The following BTRC variants were observed in gnomAD, a reference collection of about 807,000 sequenced individuals.
BTRC encodes the protein F-box/WD repeat-containing protein 1A.
BTRC carries 42 observed loss-of-function variants against 85.5 expected under a neutral mutation model. That is an observed-to-expected ratio of 0.49 (90% CI 0.38 to 0.64). BTRC has a LOEUF of 0.64. BTRC is among the 30% of genes least tolerant of loss of function. BTRC has a pLI of 0.00. For synonymous variants in BTRC, 255 were observed against 263.3 expected, an observed-to-expected ratio of 0.97 and a Z score of 0.30; for missense variants, 594 against 743.5, an observed-to-expected ratio of 0.80 and a Z score of 2.34.
intron 1 of BTRC, among the ~76,000 whole-genome samples, chr10:101,425,203 A>C (rs1053695451): frequency 2.0e-5 from 3 of 152,066 alleles, no homozygotes; most frequent in Admixed American, 6.6e-5. Flanking sequence ...TCTTCCGTTG[A>C]TGGGTACCTG....
chr10:101,528,194 G>T (rs1445599208), intron 6 of BTRC, among the ~76,000 whole-genome samples: 1 of 152,206 alleles, frequency 6.6e-6, no homozygotes, highest in Non-Finnish European at 1.5e-5. Context: ...CATTTGGACT[G>T]TAAATGACAG....
At chr10:101,399,530 C>T (rs1374209149) in intron 1 of BTRC, among the ~76,000 whole-genome samples, 1 of 152,084 alleles carries the variant, frequency 6.6e-6, no homozygotes, top group East Asian at 1.9e-4. Flanking sequence ...ACTGTCAGTA[C>T]CTATATTCCG....
At chr10:101,437,365 A>G (rs938278148) in intron 2 of BTRC, among the ~76,000 whole-genome samples, 6 of 152,210 alleles carry the variant, frequency 3.9e-5, no homozygotes, top group African/African-American at 1.4e-4. Context: ...CTAGATTAAC[A>G]TGTTAGTGTC....
chr10:101,466,250 GATAA>G (rs1945369286), intron 3 of BTRC, among the ~76,000 whole-genome samples: 1 of 152,136 alleles, frequency 6.6e-6, no homozygotes, highest in South Asian at 2.1e-4. Flanking sequence ...CGTGGGCAGT[GATAA>G]ATAAAGCATT....
chr10:101,545,625 A>C (rs1437931183), intron 13 of BTRC, among the ~76,000 whole-genome samples: 2 of 152,200 alleles, frequency 1.3e-5, no homozygotes, highest in Non-Finnish European at 2.9e-5. Context: ...GGAGAAGATG[A>C]CCATCTACAA....
chr10:101,535,496 A>G (rs1026570595), intron 11 of BTRC, 24 bp downstream of exon 11: 2 of 1,481,338 alleles, frequency 1.4e-6, no homozygotes, highest in Admixed American at 3.4e-5. Context: ...GCCTTGTATC[A>G]TAAGGGATCA....
rs1944536871 is a variant in BTRC at position 101,436,624 on chromosome 10, A to AG, written c.156+6172_156+6173insG. On this transcript the variant is annotated intron_variant, in intron 2 of 14. Transcript: ENST00000370187. The stretch of plus-strand genomic sequence containing the variant: ...AGTGAGACCCTGTTTCAATTAAAAA[A>AG]AATAGATAGATAGATAGATAGATAG... Among the ~76,000 whole-genome samples the AG allele has an allele frequency of 5.2e-5, 7 of 135,614 alleles. No individual in the cohort carries two copies. In the South Asian group the frequency reaches 7.4e-4, roughly 14 times the overall value. 89.0% of individuals were successfully genotyped at this position (135,614 alleles called of 152,430 possible). A position where few individuals can be genotyped will look rare whatever the true frequency, so the allele number is the denominator to read the frequency against.
At position 101,449,038 on chromosome 10, in the gene BTRC, A is replaced by G. The variant is rs181316200; in HGVS notation, c.157-12943A>G. Among the ~76,000 whole-genome samples, 319 of 152,154 alleles carry G rather than the reference A, an allele frequency of 2.1e-3. 1 individual carries two copies. The highest frequency in any genetic ancestry group is 7.4e-3 in the African/African-American group (308 of 41,566). ...AATAATTTCTTAATTAGGAAAAAAA[A>G]TAATGATTAAACAAGACCAGTCCAT... On this transcript the variant is annotated intron_variant, in intron 2 of 14. Transcript: ENST00000370187.
chr10:101,542,840 G>A (rs1209675952), intron 13 of BTRC, among the ~76,000 whole-genome samples: 3 of 152,140 alleles, frequency 2.0e-5, no homozygotes, highest in Non-Finnish European at 2.9e-5. Context: ...TCACAGGCAT[G>A]AGCCATGGCA....
At chr10:101,490,455 G>T (rs544080714) in intron 4 of BTRC, among the ~76,000 whole-genome samples, 60 of 152,260 alleles carry the variant, frequency 3.9e-4, no homozygotes, top group African/African-American at 1.4e-3. Flanking sequence ...GGAACGAGAA[G>T]CTTAGATAAG....
intron 4 of BTRC, among the ~76,000 whole-genome samples, chr10:101,505,355 T>C (rs943845499): frequency 2.1e-4 from 31 of 148,606 alleles, no homozygotes; most frequent in African/African-American, 4.9e-4. Flanking sequence ...CGCGGTGGCT[T>C]ACGCCTGTAA....
At chr10:101,416,499 A>G (rs1350102595) in intron 1 of BTRC, among the ~76,000 whole-genome samples, 3 of 152,026 alleles carry the variant, frequency 2.0e-5, no homozygotes, top group Non-Finnish European at 2.9e-5. Flanking sequence ...GGTGCCCTTC[A>G]TTGTTCTGGT....
intron 2 of BTRC, among the ~76,000 whole-genome samples, chr10:101,445,048 C>T (rs756312070): frequency 2.4e-4 from 37 of 151,970 alleles, no homozygotes; most frequent in Non-Finnish European, 5.3e-4. Context: ...GGTAGAAACT[C>T]GATATGTTAG....
chr10:101,540,443 T>G (rs960243251), intron 13 of BTRC, among the ~76,000 whole-genome samples: 6 of 152,198 alleles, frequency 3.9e-5, no homozygotes, highest in Admixed American at 3.9e-4. Context: ...GTGTGAGTCT[T>G]CTTTGGGAAT....
intron 1 of BTRC, among the ~76,000 whole-genome samples, chr10:101,370,942 A>G (rs934832084): frequency 6.6e-6 from 1 of 152,204 alleles, no homozygotes. Flanking sequence ...ATATACATAC[A>G]CACACATATA....
intron 1 of BTRC, among the ~76,000 whole-genome samples, chr10:101,429,076 A>G (rs1270560020): frequency 6.6e-6 from 1 of 152,254 alleles, no homozygotes; most frequent in African/African-American, 2.4e-5. Context: ...GTCTATGACA[A>G]TATAAAATAT....
chr10:101,520,495 A>G (rs1176848890), intron 4 of BTRC, among the ~76,000 whole-genome samples: 1 of 152,222 alleles, frequency 6.6e-6, no homozygotes, highest in Admixed American at 6.5e-5. Context: ...TATTGAATGA[A>G]TCAATTAATA....
At chr10:101,503,526 T>G (rs936450271) in intron 4 of BTRC, among the ~76,000 whole-genome samples, 4 of 152,174 alleles carry the variant, frequency 2.6e-5, no homozygotes, top group African/African-American at 9.7e-5. Flanking sequence ...AAGAAAACAA[T>G]TACCAAAGTA....
At chr10:101,414,891 AAG>A (rs1943886993) in intron 1 of BTRC, among the ~76,000 whole-genome samples, 2 of 151,974 alleles carry the variant, frequency 1.3e-5, no homozygotes, top group African/African-American at 4.8e-5. Flanking sequence ...GTTATTACAA[AAG>A]AGTCAAAAAG....
Sources: allele counts gnomAD v4.1 joint callset (sites outside exome capture counted in the v4.1 genomes callset), GRCh38; gene constraint gnomAD v4.1.1; transcripts MANE v1.5; gene names NCBI Gene and HGNC (gene_info 2026-07-23, HGNC 2026-07-21).